Variants in AFF1 observed in about 807,000 individuals in gnomAD.
AFF1 encodes ALF transcription elongation factor 1.
AFF1 carries 48 observed loss-of-function variants against 121.7 expected under a neutral mutation model. The observed-to-expected ratio is 0.39, with a 90% CI of 0.31 to 0.50. AFF1 has a LOEUF of 0.50. Among genes scored for constraint, AFF1 ranks in the 20% least tolerant of loss-of-function variants. The pLI is 0.76. For missense variants in AFF1, 1,523 were observed against 1,511.7 expected (o/e 1.01, Z -0.12); for synonymous variants, 613 against 563.0 (o/e 1.09, Z -1.26).
intron 2 of AFF1, 150 bp from the exon 3 acceptor site, chr4:87,046,016 A>T: frequency 2.1e-6 from 2 of 966,586 alleles, no homozygotes; most frequent in Non-Finnish European, 3.0e-6. Flanking sequence ...AGGCTGGGTT[A>T]AGGAACTTAG....
chr4:86,966,368 T>C (rs1722542273), intron 2 of AFF1, among the ~76,000 whole-genome samples: 1 of 152,136 alleles, frequency 6.6e-6, no homozygotes, highest in Admixed American at 6.6e-5. Flanking sequence ...AAACTTCCTT[T>C]TGTCTTGCTT....
chr4:86,974,307 C>T (rs1299140996), intron 2 of AFF1, among the ~76,000 whole-genome samples: 7 of 152,060 alleles, frequency 4.6e-5, no homozygotes, highest in African/African-American at 9.7e-5. Flanking sequence ...GCCACCACGC[C>T]GGGCTAATTT....
intron 8 of AFF1, among the ~76,000 whole-genome samples, chr4:87,102,800 T>G (rs1725553991): frequency 6.6e-6 from 1 of 152,220 alleles, no homozygotes; most frequent in Admixed American, 6.5e-5. Flanking sequence ...TGAGACTGGG[T>G]CTAAGAGATT....
At chr4:86,988,568 C>T (rs889726524) in intron 2 of AFF1, among the ~76,000 whole-genome samples, 13 of 152,130 alleles carry the variant, frequency 8.5e-5, no homozygotes, top group African/African-American at 2.7e-4. Context: ...AAAAACATTC[C>T]GTGCTCATGG....
chr4:87,107,335 T>C (rs567878830), intron 10 of AFF1, among the ~76,000 whole-genome samples: 1 of 152,336 alleles, frequency 6.6e-6, no homozygotes, highest in African/African-American at 2.4e-5. Flanking sequence ...TAAGATTATA[T>C]ATGCTTTGAA....
chr4:86,968,773 G>A (rs779832091), intron 2 of AFF1, among the ~76,000 whole-genome samples: 1 of 152,198 alleles, frequency 6.6e-6, no homozygotes, highest in African/African-American at 2.4e-5. Flanking sequence ...GGGTCTCAGG[G>A]GGACCCTTCT....
rs111423335 is a variant in AFF1, at chr4:86,946,083, G to A, written c.-36-2415G>A. On this transcript the variant is annotated intron_variant, in intron 1 of 20. Coordinates refer to ENST00000395146, the MANE Select transcript of AFF1 (RefSeq NM_001166693.3). Reference sequence around the variant, plus strand: ...TGATGTATCTGTAGTGCTCCTGAGCGGTGAGACCTGGGGGGTTGCTCACTC... The same window carrying A: ...TGATGTATCTGTAGTGCTCCTGAGCAGTGAGACCTGGGGGGTTGCTCACTC... Among the ~76,000 whole-genome samples, 433 of 152,104 alleles carry A rather than the reference G, an allele frequency of 2.8e-3. 1 individual carries two copies. Among genetic ancestry groups the A allele is most frequent in the Non-Finnish European group, 4.2e-3 (286 of 68,000 alleles).
chr4:86,980,844 A>G (rs1284599843), intron 2 of AFF1, among the ~76,000 whole-genome samples: 1 of 151,796 alleles, frequency 6.6e-6, no homozygotes, highest in Admixed American at 6.6e-5. Context: ...ATGAAATAAC[A>G]TTTTAAAAAG....
chr4:87,066,425 A>G (rs1721354863), intron 4 of AFF1, among the ~76,000 whole-genome samples: 1 of 152,030 alleles, frequency 6.6e-6, no homozygotes, highest in Non-Finnish European at 1.5e-5. Flanking sequence ...ATCCCTATAA[A>G]TATTTAACAA....
At chr4:86,946,775 G>C (rs1482274728) in intron 1 of AFF1, among the ~76,000 whole-genome samples, 4 of 151,898 alleles carry the variant, frequency 2.6e-5, no homozygotes, top group Non-Finnish European at 5.9e-5. Context: ...GTGAACTCAG[G>C]ACCCCTCTCA....
chr4:86,938,486 T>C (rs954634446), intron 1 of AFF1, among the ~76,000 whole-genome samples: 2 of 150,292 alleles, frequency 1.3e-5, no homozygotes, highest in African/African-American at 4.9e-5. Flanking sequence ...AAAAAGTAAG[T>C]GTATTTACCA....
intron 2 of AFF1, among the ~76,000 whole-genome samples, chr4:87,022,730 A>G (rs568373130): frequency 0.061 from 9,164 of 149,030 alleles, 524 homozygotes; most frequent in African/African-American, 0.14. Context: ...ATATATGTAT[A>G]TATATCTGTG....
At chr4:87,022,059 G>A (rs112823439) in intron 2 of AFF1, among the ~76,000 whole-genome samples, 1 of 152,050 alleles carries the variant, frequency 6.6e-6, no homozygotes, top group Non-Finnish European at 1.5e-5. Context: ...AAAAAAATTA[G>A]CCAGGCGTGG....
At chr4:87,115,408 T>A (rs1727005537) in intron 12 of AFF1, 109 bp downstream of exon 12, 2 of 1,162,384 alleles carry the variant, frequency 1.7e-6, no homozygotes, top group African/African-American at 1.6e-5. Context: ...GTCTCACAAG[T>A]CTTTGCTTTG....
At chr4:87,087,243 C>A (rs1211194888) in intron 5 of AFF1, among the ~76,000 whole-genome samples, 1 of 152,186 alleles carries the variant, frequency 6.6e-6, no homozygotes, top group Non-Finnish European at 1.5e-5. Context: ...CTCCACAGCA[C>A]TAGGATGTTG....
chr4:86,981,376 C>A (rs919552396), intron 2 of AFF1, among the ~76,000 whole-genome samples: 3 of 151,008 alleles, frequency 2.0e-5, no homozygotes, highest in Non-Finnish European at 4.4e-5. Context: ...TATTTATTTT[C>A]TTTATTTTTG....
intron 2 of AFF1, among the ~76,000 whole-genome samples, chr4:86,963,787 T>C (rs1008225603): frequency 6.6e-6 from 1 of 150,800 alleles, no homozygotes; most frequent in Admixed American, 6.7e-5. Context: ...AATACCACCT[T>C]TTCTTTTCAT....
intron 2 of AFF1, among the ~76,000 whole-genome samples, chr4:87,017,089 GTA>G (rs1560542219): frequency 7.5e-6 from 1 of 133,640 alleles, no homozygotes; most frequent in Admixed American, 8.8e-5. Flanking sequence ...GTGTGTATGT[GTA>G]TATATATGTG....
chr4:86,956,267 A>C (rs950482378), intron 2 of AFF1, among the ~76,000 whole-genome samples: 14 of 152,212 alleles, frequency 9.2e-5, no homozygotes, highest in Non-Finnish European at 1.9e-4. Flanking sequence ...GTAGTTTAAG[A>C]TGAGTCACTC....
Sources: gnomAD v4.1 joint callset for allele counts (sites outside exome capture counted in the v4.1 genomes callset) on GRCh38, gnomAD v4.1.1 for gene constraint, MANE v1.5 for transcripts, NCBI Gene and HGNC (gene_info 2026-07-23, HGNC 2026-07-21) for gene names.